FSTL4: variants seen among roughly 807,000 people sequenced by gnomAD.
FSTL4 encodes follistatin like 4.
In FSTL4, 28 loss-of-function variants were observed where a neutral mutation model predicts 78.2. That is an observed-to-expected ratio of 0.36 (90% confidence interval 0.27 to 0.49). The LOEUF (loss-of-function observed/expected upper bound fraction) is 0.49. Ranked by LOEUF, FSTL4 falls within the 20% of genes least tolerant of loss-of-function variation. The probability of loss-of-function intolerance (pLI) is 0.98; values close to 1 mark genes in which losing one functional copy is unlikely to be tolerated. For missense variants in FSTL4, 922 were observed against 1,084.9 expected, an observed-to-expected ratio of 0.85 and a Z score of 2.11; for synonymous variants, 422 against 440.5, an observed-to-expected ratio of 0.96 and a Z score of 0.53.
At chr5:133,553,194 A>C (rs1759723799) in intron 3 of FSTL4, among the ~76,000 whole-genome samples, 1 of 152,190 alleles carries the variant, frequency 6.6e-6, no homozygotes, top group South Asian at 2.1e-4. Context: ...AGGCTTGTCC[A>C]AGACTAATAG....
At chr5:133,242,988 C>T (rs1481711438) in intron 7 of FSTL4, among the ~76,000 whole-genome samples, 1 of 152,142 alleles carries the variant, frequency 6.6e-6, no homozygotes, top group Non-Finnish European at 1.5e-5. Flanking sequence ...GAGTCATGAG[C>T]TCCTAAATCA....
the FSTL4 span, among the ~76,000 whole-genome samples, chr5:133,787,565 G>A: frequency 7.1e-5 from 6 of 84,626 alleles, no homozygotes; most frequent in Admixed American, 1.2e-4. Flanking sequence ...CACCCTCCCC[G>A]CCCCCACCCC....
chr5:133,386,674 G>A (rs1237697600), intron 4 of FSTL4, among the ~76,000 whole-genome samples: 1 of 152,162 alleles, frequency 6.6e-6, no homozygotes, highest in East Asian at 1.9e-4. Context: ...AGATCTTCAT[G>A]TCACTGAAAT....
intron 11 of FSTL4, among the ~76,000 whole-genome samples, chr5:133,221,898 T>TCTTTTTG (rs1751126106): frequency 4.5e-5 from 4 of 88,910 alleles, no homozygotes; most frequent in African/African-American, 3.4e-4. Context: ...CTAGTTTTTT[T>TCTTTTTG]TTTTTTTTTT....
At chr5:133,279,893 G>A (rs559921518) in intron 6 of FSTL4, among the ~76,000 whole-genome samples, 2 of 152,368 alleles carry the variant, frequency 1.3e-5, no homozygotes, top group South Asian at 4.1e-4. Flanking sequence ...GTCCTTATGA[G>A]ACGAGGAGAA....
At chr5:133,366,312 T>C (rs769622996) in intron 4 of FSTL4, among the ~76,000 whole-genome samples, 1 of 152,196 alleles carries the variant, frequency 6.6e-6, no homozygotes, top group African/African-American at 2.4e-5. Context: ...AAACTCCGCA[T>C]TGAAACATCT....
Position 133,225,594 on chromosome 5 carries a change from C to T in FSTL4, c.1177+64G>A. On this transcript the variant is annotated intron_variant, in intron 9 of 15. Coordinates refer to ENST00000265342, the MANE Select transcript of FSTL4 (RefSeq NM_015082.2). The surrounding 1 kb of genome is among the most constrained non-coding windows in gnomAD (Gnocchi z 4.6). The stretch of plus-strand genomic sequence containing the variant: ...ACAAATTATACCTCTCGTTTCCATT[C>T]CTGGAGTCTCAGCTTGATTTGAATG... 1 of 1,391,544 alleles carries T rather than the reference C, an allele frequency of 7.2e-7. No individual in the cohort carries two copies. 86.2% of individuals were successfully genotyped at this position (1,391,544 alleles called of 1,614,324 possible).
At chr5:133,269,666 TTGTC>T (rs941485310) in intron 6 of FSTL4, among the ~76,000 whole-genome samples, 1 of 152,288 alleles carries the variant, frequency 6.6e-6, no homozygotes, top group East Asian at 1.9e-4. Flanking sequence ...AGATGGTCCT[TTGTC>T]TGGTCCTTTG....
chr5:133,826,300 C>A, the FSTL4 span, among the ~76,000 whole-genome samples: 1 of 152,236 alleles, frequency 6.6e-6, no homozygotes, highest in African/African-American at 2.4e-5. Flanking sequence ...GACTGAAAAT[C>A]CCAGCCTTTG....
At chr5:133,691,050 C>G in the FSTL4 span, among the ~76,000 whole-genome samples, 1 of 152,250 alleles carries the variant, frequency 6.6e-6, no homozygotes, top group African/African-American at 2.4e-5. Context: ...GCTTTGGATC[C>G]GAGGACACTG....
the FSTL4 span, among the ~76,000 whole-genome samples, chr5:133,730,499 G>A: frequency 6.6e-6 from 1 of 152,150 alleles, no homozygotes; most frequent in Non-Finnish European, 1.5e-5. Flanking sequence ...TGGGAAGGAT[G>A]ACCTGGTATG....
At chr5:133,711,259 T>G in the FSTL4 span, among the ~76,000 whole-genome samples, 1 of 152,188 alleles carries the variant, frequency 6.6e-6, no homozygotes, top group East Asian at 1.9e-4. Context: ...CCATGGACTT[T>G]GGGCACATTG....
rs370882589 is a variant in FSTL4, at chr5:133,236,994, C to G, written c.895-3457G>C. Among the ~76,000 whole-genome samples the G allele has an allele frequency of 6.4e-4, 97 of 152,222 alleles. 1 individual carries two copies. The South Asian group carries it at 0.019, about 30-fold the overall frequency. ...GTCACAGTCCTGGTGCACAGTGGGC[C>G]CTCAAAAAATAGCTGTCGAGGGGAC... On this transcript the variant is annotated intron_variant, in intron 7 of 15. Coordinates refer to ENST00000265342, the MANE Select transcript of FSTL4 (RefSeq NM_015082.2). This position sits in a 1 kb window ranked among gnomAD's most constrained non-coding sequence, Gnocchi z 5.0.
At chr5:133,672,496 A>C in the FSTL4 span, among the ~76,000 whole-genome samples, 1 of 152,288 alleles carries the variant, frequency 6.6e-6, no homozygotes, top group Non-Finnish European at 1.5e-5. Flanking sequence ...ATCTGGTTCC[A>C]AAGCCCATGC....
the FSTL4 span, among the ~76,000 whole-genome samples, chr5:133,681,990 C>T: frequency 3.3e-5 from 5 of 152,130 alleles, no homozygotes; most frequent in African/African-American, 9.7e-5. Context: ...ACAGTGGTTT[C>T]GTTCCATTGC....
At chr5:133,557,721 G>A (rs1759819140) in intron 3 of FSTL4, among the ~76,000 whole-genome samples, 1 of 152,166 alleles carries the variant, frequency 6.6e-6, no homozygotes. Flanking sequence ...CAAAATGGAG[G>A]GAGAAGCCAG....
At chr5:133,737,761 T>A in the FSTL4 span, among the ~76,000 whole-genome samples, 1 of 152,186 alleles carries the variant, frequency 6.6e-6, no homozygotes, top group African/African-American at 2.4e-5. Context: ...ACTGCCACTG[T>A]GCCCGGCTAA....
the FSTL4 span, among the ~76,000 whole-genome samples, chr5:133,628,371 T>C: frequency 4.0e-5 from 6 of 149,842 alleles, no homozygotes; most frequent in Admixed American, 4.0e-4. Flanking sequence ...CTTTTCTTTT[T>C]TTTTTGAGAT....
At chr5:133,839,615 C>T in the FSTL4 span, among the ~76,000 whole-genome samples, 1 of 152,168 alleles carries the variant, frequency 6.6e-6, no homozygotes, top group African/African-American at 2.4e-5. Flanking sequence ...ACAGAGCATC[C>T]TTAGACTTCT....
Sources: allele counts gnomAD v4.1 joint callset (sites outside exome capture counted in the v4.1 genomes callset), GRCh38; gene constraint gnomAD v4.1.1; non-coding constraint Gnocchi (gnomAD v3.1); transcripts MANE v1.5; gene names NCBI Gene and HGNC (gene_info 2026-07-23, HGNC 2026-07-21).